The following GREB1L variants were observed in gnomAD, a reference collection of about 807,000 sequenced individuals.
The protein encoded by GREB1L is GREB1 like retinoic acid receptor coactivator.
Under a neutral mutation model 200.8 loss-of-function variants are expected in GREB1L, and 17 were observed. That is an observed-to-expected ratio of 0.08 (90% CI 0.06 to 0.13). GREB1L has a LOEUF of 0.13. Among genes scored for constraint, GREB1L ranks in the 10% least tolerant of loss-of-function variants. The pLI is 1.00. For synonymous variants in GREB1L, 789 were observed against 893.0 expected, an observed-to-expected ratio of 0.88 and a Z score of 2.08; for missense variants, 1,657 against 2,367.7, an observed-to-expected ratio of 0.70 and a Z score of 6.23.
At chr18:21,323,814 G>T (rs943172892) in intron 1 of GREB1L, among the ~76,000 whole-genome samples, 2 of 152,120 alleles carry the variant, frequency 1.3e-5, no homozygotes, top group African/African-American at 4.8e-5. Flanking sequence ...GTGTGATGAA[G>T]AGGTGCTCTC....
At chr18:21,409,921 C>G (rs577878788) in intron 7 of GREB1L, among the ~76,000 whole-genome samples, 5 of 152,194 alleles carry the variant, frequency 3.3e-5, no homozygotes, top group African/African-American at 1.2e-4. Context: ...CATGTATATT[C>G]TCTTATACGC....
chr18:21,517,191 G>A (rs1438628844), intron 30 of GREB1L, among the ~76,000 whole-genome samples: 1 of 152,116 alleles, frequency 6.6e-6, no homozygotes, highest in Non-Finnish European at 1.5e-5. Context: ...AGTTCTTAAT[G>A]TCAAATTTTC....
At chr18:21,255,564 A>G (rs2037788051) in intron 1 of GREB1L, among the ~76,000 whole-genome samples, 1 of 152,194 alleles carries the variant, frequency 6.6e-6, no homozygotes, top group South Asian at 2.1e-4. Context: ...TCTGAGCCCT[A>G]GGAATAGGCC....
At chr18:21,286,608 T>G (rs767747493) in intron 1 of GREB1L, among the ~76,000 whole-genome samples, 1 of 152,224 alleles carries the variant, frequency 6.6e-6, no homozygotes, top group Non-Finnish European at 1.5e-5. Context: ...ATGCTGAATA[T>G]GGTTCCCAGC....
chr18:21,508,704 A>T, intron 27 of GREB1L, 113 bp downstream of exon 27: 1 of 428,420 alleles, frequency 2.3e-6, no homozygotes, highest in Non-Finnish European at 3.9e-6. Context: ...TGCCCTCCTC[A>T]CCACTCTTCG....
chr18:21,499,865 C>G lies in GREB1L; in HGVS notation c.3528C>G (p.Ala1176=), dbSNP rs114233250. 2.2e-3 allele frequency: 3,483 copies of G among 1,550,834 alleles called. 85 individuals are homozygous for G. In the African/African-American group the frequency reaches 0.042, roughly 19 times the overall value. The change falls in exon 22 of 33, where the codon GCC becomes GCG. Residue 1176 remains alanine, a synonymous_variant. Transcript: ENST00000424526. ...GGGTCTCCGCCAGCTCAGCTGGAGCCGGAGCCGGGGAGACTCTGAAGCAGG... is the reference window on the plus strand; with the variant it reads ...GGGTCTCCGCCAGCTCAGCTGGAGCGGGAGCCGGGGAGACTCTGAAGCAGG... The part of the protein sequence containing the change: ...DEGVSASSAG[A]GAGETLKQEC...
intron 7 of GREB1L, among the ~76,000 whole-genome samples, chr18:21,423,691 G>A (rs2032340084): frequency 6.6e-6 from 1 of 151,990 alleles, no homozygotes; most frequent in African/African-American, 2.4e-5. Context: ...GAGACCTCCT[G>A]TCTGCAAAAA....
intron 5 of GREB1L, 145 bp downstream of exon 5, chr18:21,395,706 C>A: frequency 1.8e-6 from 1 of 551,136 alleles, no homozygotes; most frequent in Non-Finnish European, 3.0e-6. Context: ...GACATTTTTT[C>A]TTTTAGTAAC....
At chr18:21,393,041 G>A (rs1164016249) in intron 4 of GREB1L, among the ~76,000 whole-genome samples, 1 of 152,064 alleles carries the variant, frequency 6.6e-6, no homozygotes, top group Non-Finnish European at 1.5e-5. Flanking sequence ...CAAAGTGCTG[G>A]GATTACAGGC....
intron 1 of GREB1L, among the ~76,000 whole-genome samples, chr18:21,337,909 C>A (rs1457248691): frequency 6.6e-6 from 1 of 152,018 alleles, no homozygotes; most frequent in Non-Finnish European, 1.5e-5. Context: ...ATGGCGTGAA[C>A]CTGGGAGGCG....
intron 1 of GREB1L, among the ~76,000 whole-genome samples, chr18:21,310,664 G>A (rs1396325902): frequency 6.6e-6 from 1 of 152,186 alleles, no homozygotes; most frequent in Admixed American, 6.5e-5. Flanking sequence ...ACCCCCACAG[G>A]TCCCTATATC....
At chr18:21,405,741 C>A (rs569117520) in intron 7 of GREB1L, among the ~76,000 whole-genome samples, 1 of 152,192 alleles carries the variant, frequency 6.6e-6, no homozygotes, top group South Asian at 2.1e-4. Flanking sequence ...GTGGAAGTTG[C>A]AATGAGCCGA....
At chr18:21,454,676 A>G (rs796258531) in intron 15 of GREB1L, 113 bp downstream of exon 15, 2 of 798,808 alleles carry the variant, frequency 2.5e-6, no homozygotes, top group African/African-American at 3.4e-5. Flanking sequence ...TTCTTCAGTA[A>G]TAAAAATCAT....
chr18:21,426,973 C>CAAAAAA (rs56776768), intron 7 of GREB1L, among the ~76,000 whole-genome samples: 1 of 83,788 alleles, frequency 1.2e-5, no homozygotes, highest in African/African-American at 3.2e-5. Flanking sequence ...AAAAAAAAAA[C>CAAAAAA]AAAAAAAAAA....
chr18:21,505,207 G>A (rs148954637), intron 23 of GREB1L, among the ~76,000 whole-genome samples: 3 of 152,304 alleles, frequency 2.0e-5, no homozygotes, highest in East Asian at 1.9e-4. Context: ...CTGCAGAGAC[G>A]AATGCTGGGG....
At chr18:21,474,450 C>T (rs2035606869) in intron 16 of GREB1L, among the ~76,000 whole-genome samples, 1 of 152,186 alleles carries the variant, frequency 6.6e-6, no homozygotes, top group South Asian at 2.1e-4. Context: ...CATGAGGGCC[C>T]CACCCCTGCA....
chr18:21,411,902 G>A (rs1020420702), intron 7 of GREB1L, among the ~76,000 whole-genome samples: 99 of 151,784 alleles, frequency 6.5e-4, no homozygotes, highest in Middle Eastern at 3.4e-3. Context: ...AAAATTAGCC[G>A]GGCGCAGTGG....
intron 1 of GREB1L, among the ~76,000 whole-genome samples, chr18:21,325,438 A>G (rs927218076): frequency 6.6e-6 from 1 of 152,204 alleles, no homozygotes; most frequent in Non-Finnish European, 1.5e-5. Context: ...CACACTGCTC[A>G]ATACTATATG....
intron 12 of GREB1L, among the ~76,000 whole-genome samples, chr18:21,450,424 C>G (rs1448322804): frequency 6.6e-6 from 1 of 152,194 alleles, no homozygotes; most frequent in Non-Finnish European, 1.5e-5. Flanking sequence ...TGGCTCTCAC[C>G]TCTTCCAGCA....
Sources: allele counts gnomAD v4.1 joint callset (sites outside exome capture counted in the v4.1 genomes callset), GRCh38; gene constraint gnomAD v4.1.1; transcripts MANE v1.5; gene names NCBI Gene and HGNC (gene_info 2026-07-23, HGNC 2026-07-21).